EXOC6B: variants seen among roughly 807,000 people sequenced by gnomAD.
EXOC6B encodes SEC15 homolog B.
Under a neutral mutation model 113.5 loss-of-function variants are expected in EXOC6B, and 54 were observed. That is an observed-to-expected ratio of 0.48 (90% confidence interval 0.38 to 0.60). The LOEUF (loss-of-function observed/expected upper bound fraction) is 0.60. EXOC6B is among the 20% of genes least tolerant of loss of function. EXOC6B has a pLI of 0.00. For missense variants in EXOC6B, 797 were observed against 977.5 expected (o/e 0.82, Z 2.46); for synonymous variants, 357 against 339.0 (o/e 1.05, Z -0.58).
At chr2:72,498,370 A>T in intron 13 of EXOC6B, 84 bp downstream of exon 13, 1 of 859,494 alleles carries the variant, frequency 1.2e-6, no homozygotes, top group Non-Finnish European at 1.8e-6. Flanking sequence ...TGCCTATAAC[A>T]TCTGAAAACC....
chr2:72,568,636 G>A (rs376024395), intron 7 of EXOC6B, among the ~76,000 whole-genome samples: 7 of 151,880 alleles, frequency 4.6e-5, no homozygotes, highest in African/African-American at 1.7e-4. Context: ...TAAGTGAAGC[G>A]TATATGGATA....
At chr2:72,244,406 T>G (rs528882763) in intron 20 of EXOC6B, among the ~76,000 whole-genome samples, 1 of 152,140 alleles carries the variant, frequency 6.6e-6, no homozygotes, top group South Asian at 2.1e-4. Flanking sequence ...GCAAACGTAA[T>G]TTTCAAAAGG....
chr2:72,443,575 TA>T lies in EXOC6B; in HGVS notation c.1980+21584del, dbSNP rs1696364426. 2.0e-5 allele frequency among the ~76,000 whole-genome samples: 3 copies of T among 152,086 alleles called. No individual in the cohort carries two copies. In the South Asian group the frequency reaches 6.2e-4, roughly 32 times the overall value. On this transcript the variant is annotated intron_variant, in intron 18 of 21. Coordinates refer to ENST00000272427, the MANE Select transcript of EXOC6B (RefSeq NM_015189.3). ...TTCATGCTGCTGATAAAAACATACC[TA>T]AGACTGGATAATTTATAAATAAAAA...
chr2:72,496,410 G>T, intron 14 of EXOC6B, 44 bp downstream of exon 14: 3 of 1,206,812 alleles, frequency 2.5e-6, no homozygotes, highest in South Asian at 1.3e-5. Context: ...CTTTTAAGAG[G>T]ATGCCAAAAC....
At chr2:72,209,137 C>T (rs1035802676) in intron 20 of EXOC6B, among the ~76,000 whole-genome samples, 12 of 144,964 alleles carry the variant, frequency 8.3e-5, no homozygotes, top group Non-Finnish European at 1.3e-4. Flanking sequence ...ACAGGAGAAT[C>T]GCTTGAACCC....
chr2:72,198,696 G>C (rs1371332018), intron 20 of EXOC6B, among the ~76,000 whole-genome samples: 2 of 152,130 alleles, frequency 1.3e-5, no homozygotes, highest in Non-Finnish European at 2.9e-5. Context: ...ACTATGCCAA[G>C]AGCTCAGGTC....
intron 18 of EXOC6B, among the ~76,000 whole-genome samples, chr2:72,410,223 A>C (rs1013999606): frequency 2.6e-5 from 4 of 152,186 alleles, no homozygotes; most frequent in Non-Finnish European, 4.4e-5. Context: ...GCTTTTCTTA[A>C]GTCAAGCAGC....
chr2:72,571,674 G>A (rs1704517391), intron 7 of EXOC6B, among the ~76,000 whole-genome samples: 1 of 152,264 alleles, frequency 6.6e-6, no homozygotes. Flanking sequence ...TCCTTCAGAT[G>A]GTTCAACATG....
Position 72,515,072 on chromosome 2 carries a change from G to T in EXOC6B, c.970C>A (p.Arg324Ser). ...YYRKQRRKQA[R>S]LVLQPPSNMH... ...TTAGATGGAGGTTGAAGTACCAAAC[G>T]AGCCTGTTTTCGCCTCTGTTTTCGG... is the stretch of plus-strand genomic sequence containing the variant. Residue 324 changes from arginine (R) to serine (S), a missense_variant, in exon 9 of 22, where the codon CGT becomes AGT. Transcript: ENST00000272427. 1 of 1,607,902 alleles carries T rather than the reference G, an allele frequency of 6.2e-7. No homozygotes were observed. Among genetic ancestry groups the T allele is most frequent in the Non-Finnish European group, 8.5e-7 (1 of 1,177,190 alleles).
chr2:72,492,110 A>G (rs1699771365), intron 16 of EXOC6B, among the ~76,000 whole-genome samples: 1 of 150,848 alleles, frequency 6.6e-6, no homozygotes, highest in Non-Finnish European at 1.5e-5. Context: ...GTGAAAACAA[A>G]GAGAAAAACG....
intron 18 of EXOC6B, among the ~76,000 whole-genome samples, chr2:72,443,491 C>T (rs1216102052): frequency 6.6e-6 from 1 of 152,040 alleles, no homozygotes; most frequent in Non-Finnish European, 1.5e-5. Flanking sequence ...GGATAACTGG[C>T]TAGCCATATG....
At chr2:72,680,879 C>G (rs927594912) in intron 6 of EXOC6B, among the ~76,000 whole-genome samples, 4 of 152,106 alleles carry the variant, frequency 2.6e-5, no homozygotes, top group African/African-American at 9.7e-5. Context: ...GGAAAAAAGA[C>G]AGAAGCAAGC....
intron 1 of EXOC6B, among the ~76,000 whole-genome samples, chr2:72,795,190 C>A: frequency 6.6e-6 from 1 of 152,098 alleles, no homozygotes. Context: ...TAGGCCAGGG[C>A]TAGACTGAAA....
chr2:72,470,116 G>A (rs1049060813), intron 17 of EXOC6B, among the ~76,000 whole-genome samples: 1 of 151,974 alleles, frequency 6.6e-6, no homozygotes, highest in South Asian at 2.1e-4. Context: ...TTCTGTAAAA[G>A]ATGACACTGA....
intron 19 of EXOC6B, among the ~76,000 whole-genome samples, chr2:72,362,199 G>C (rs1055075407): frequency 1.3e-5 from 2 of 152,094 alleles, no homozygotes; most frequent in Non-Finnish European, 1.5e-5. Flanking sequence ...CCTTTTCATG[G>C]ATCCAGTTCA....
At chr2:72,281,352 C>T (rs552995116) in intron 20 of EXOC6B, among the ~76,000 whole-genome samples, 6 of 151,932 alleles carry the variant, frequency 3.9e-5, no homozygotes, top group Non-Finnish European at 7.4e-5. Flanking sequence ...TTATCAAGAA[C>T]AGAGATATGA....
At chr2:72,432,017 T>C (rs1695564599) in intron 18 of EXOC6B, among the ~76,000 whole-genome samples, 1 of 152,162 alleles carries the variant, frequency 6.6e-6, no homozygotes, top group Non-Finnish European at 1.5e-5. Flanking sequence ...GGTGTATATG[T>C]GCCACATTTT....
At chr2:72,565,349 TAAAAAAAAAAAA>T (rs10672375) in intron 7 of EXOC6B, among the ~76,000 whole-genome samples, 4 of 45,158 alleles carry the variant, frequency 8.9e-5, no homozygotes, top group Non-Finnish European at 8.1e-5. Flanking sequence ...AGACCCTGTC[TAAAAAAAAAAAA>T]AAAAAAAAAA....
At chr2:72,543,407 G>A (rs1702723702) in intron 8 of EXOC6B, among the ~76,000 whole-genome samples, 1 of 151,988 alleles carries the variant, frequency 6.6e-6, no homozygotes, top group African/African-American at 2.4e-5. Flanking sequence ...TTATTGTGGT[G>A]TCTAAAACTA....
Sources: gnomAD v4.1 joint callset for allele counts (sites outside exome capture counted in the v4.1 genomes callset) on GRCh38, gnomAD v4.1.1 for gene constraint, MANE v1.5 for transcripts, NCBI Gene and HGNC (gene_info 2026-07-23, HGNC 2026-07-21) for gene names.